SLC38A9: variants seen among roughly 807,000 people sequenced by gnomAD.
SLC38A9 encodes solute carrier family 38 member 9, also known as neutral amino acid transporter 9.
SLC38A9 carries 48 observed loss-of-function variants against 62.3 expected under a neutral mutation model. That is an observed-to-expected ratio of 0.77 (90% CI 0.61 to 0.98). The LOEUF (loss-of-function observed/expected upper bound fraction) is 0.98, where lower values mean the gene tolerates loss of function less well. Ranked by LOEUF, SLC38A9 falls within the 50% of genes least tolerant of loss-of-function variation. The probability of loss-of-function intolerance (pLI) is 0.00; values close to 1 mark genes in which losing one functional copy is unlikely to be tolerated. For synonymous variants in SLC38A9, 204 were observed against 227.7 expected, an observed-to-expected ratio of 0.90 and a Z score of 0.94; for missense variants, 541 against 679.8, an observed-to-expected ratio of 0.80 and a Z score of 2.27.
chr5:55,649,112 C>T, intron 11 of SLC38A9, 95 bp downstream of exon 11: 1 of 564,934 alleles, frequency 1.8e-6, no homozygotes, highest in Non-Finnish European at 2.8e-6. Context: ...TAAAAATGCT[C>T]AGCATAAAAA....
intron 3 of SLC38A9, among the ~76,000 whole-genome samples, chr5:55,689,847 C>T (rs1414206431): frequency 6.6e-6 from 1 of 152,036 alleles, no homozygotes; most frequent in Admixed American, 6.5e-5. Context: ...ATCAGGAACA[C>T]CCCAAAATAA....
At chr5:55,694,534 A>G (rs1482328973) in intron 3 of SLC38A9, among the ~76,000 whole-genome samples, 1 of 152,164 alleles carries the variant, frequency 6.6e-6, no homozygotes, top group African/African-American at 2.4e-5. Flanking sequence ...TGATGACTCT[A>G]CATCAAAAAA....
rs914884435 is a variant in SLC38A9 at position 55,701,280 on chromosome 5, T to C, written c.-34-3288A>G. ...TGCTTATTCAACTGCCTACTCAACA[T>C]CTTTAGCTAGATGTAATAGACAGCT... is the stretch of plus-strand genomic sequence containing the variant. On this transcript the variant is annotated intron_variant, in intron 2 of 15. Transcript: ENST00000396865. Among the ~76,000 whole-genome samples, 5 of 152,220 alleles carry C rather than the reference T, an allele frequency of 3.3e-5. No homozygotes were observed. The South Asian group carries it at 8.3e-4, about 25-fold the overall frequency.
chr5:55,654,788 T>G (rs1380676913), intron 9 of SLC38A9, among the ~76,000 whole-genome samples: 1 of 152,186 alleles, frequency 6.6e-6, no homozygotes, highest in East Asian at 1.9e-4. Flanking sequence ...ATAAAACATT[T>G]AATGCAATGC....
intron 3 of SLC38A9, among the ~76,000 whole-genome samples, chr5:55,676,334 C>A (rs1047669628): frequency 7.9e-5 from 12 of 152,190 alleles, no homozygotes; most frequent in African/African-American, 2.9e-4. Flanking sequence ...CACCACCATG[C>A]CCGTCTAATT....
At chr5:55,653,407 G>A (rs1747880458) in intron 9 of SLC38A9, among the ~76,000 whole-genome samples, 1 of 152,002 alleles carries the variant, frequency 6.6e-6, no homozygotes, top group African/African-American at 2.4e-5. Context: ...TATCATTTAG[G>A]GTGACTGTTT....
intron 8 of SLC38A9, among the ~76,000 whole-genome samples, chr5:55,657,377 A>C (rs1318541449): frequency 1.3e-5 from 2 of 152,270 alleles, no homozygotes; most frequent in Admixed American, 1.3e-4. Flanking sequence ...TATGTATGTA[A>C]GTTTTCTCTT....
At chr5:55,703,587 T>A (rs1476198036) in intron 2 of SLC38A9, among the ~76,000 whole-genome samples, 2 of 152,208 alleles carry the variant, frequency 1.3e-5, no homozygotes, top group African/African-American at 4.8e-5. Context: ...GTTAATTTCA[T>A]TAAAATAGTT....
rs572742922 is a variant in SLC38A9 at position 55,660,504 on chromosome 5, G to A, written c.698-3730C>T. 2.0e-5 allele frequency among the ~76,000 whole-genome samples: 3 copies of A among 152,312 alleles called. No individual in the cohort carries two copies. The East Asian group carries it at 5.8e-4, about 29-fold the overall frequency. ...TCAAAAATTTATCATTACTTTCTGGGAAGATGGAAATGTTCTATTTCTTGA... is the reference window on the plus strand; with the variant it reads ...TCAAAAATTTATCATTACTTTCTGGAAAGATGGAAATGTTCTATTTCTTGA... On this transcript the variant is annotated intron_variant, in intron 8 of 15. Transcript: ENST00000396865.
chr5:55,640,631 C>T (rs1057267794), intron 12 of SLC38A9, among the ~76,000 whole-genome samples: 1 of 151,974 alleles, frequency 6.6e-6, no homozygotes, highest in Admixed American at 6.6e-5. Context: ...AGAATTTTGG[C>T]GAGTGAAAAG....
At chr5:55,636,676 A>C (rs1404305257) in intron 12 of SLC38A9, among the ~76,000 whole-genome samples, 1 of 152,226 alleles carries the variant, frequency 6.6e-6, no homozygotes, top group Non-Finnish European at 1.5e-5. Context: ...AACGTAGTAG[A>C]GTTTTATAAA....
intron 14 of SLC38A9, among the ~76,000 whole-genome samples, chr5:55,633,172 G>C (rs1424166739): frequency 1.3e-5 from 2 of 151,928 alleles, no homozygotes; most frequent in Non-Finnish European, 2.9e-5. Context: ...ATGCTCGGCT[G>C]ATTTTTTAAA....
intron 4 of SLC38A9, among the ~76,000 whole-genome samples, chr5:55,670,187 G>C (rs1212961468): frequency 1.1e-5 from 1 of 94,476 alleles, no homozygotes; most frequent in African/African-American, 3.2e-5. Flanking sequence ...GGATGGTCTC[G>C]ATCTCCTGAC....
intron 3 of SLC38A9, among the ~76,000 whole-genome samples, chr5:55,687,821 C>A (rs968343067): frequency 9.9e-5 from 15 of 152,120 alleles, no homozygotes; most frequent in Non-Finnish European, 4.4e-5. Flanking sequence ...GCCTCAGCCT[C>A]CCGAGTGCTG....
At chr5:55,656,641 C>T in intron 9 of SLC38A9, 74 bp downstream of exon 9, 1 of 970,536 alleles carries the variant, frequency 1.0e-6, no homozygotes, top group Non-Finnish European at 1.7e-6. Context: ...AAAATAAGGT[C>T]ACATGTTCTA....
intron 8 of SLC38A9, 140 bp from the exon 9 acceptor site, chr5:55,656,914 G>GC (rs1207238697): frequency 3.7e-5 from 14 of 381,096 alleles, no homozygotes; most frequent in Middle Eastern, 1.5e-3. Context: ...AGGCTAGAGT[G>GC]CAGTGGCACG....
chr5:55,672,417 T>C, intron 4 of SLC38A9, 146 bp downstream of exon 4: 1 of 799,214 alleles, frequency 1.3e-6, no homozygotes, highest in Admixed American at 2.8e-5. Context: ...GTAGGATGTG[T>C]GTTAATTACT....
At chr5:55,660,796 C>A (rs1254256474) in intron 8 of SLC38A9, among the ~76,000 whole-genome samples, 2 of 151,884 alleles carry the variant, frequency 1.3e-5, no homozygotes, top group Non-Finnish European at 2.9e-5. Flanking sequence ...ATTAAAATTT[C>A]ATGGGGGGGG....
chr5:55,630,312 G>T (rs1337345933), intron 14 of SLC38A9, among the ~76,000 whole-genome samples: 2 of 151,866 alleles, frequency 1.3e-5, no homozygotes, highest in Admixed American at 6.6e-5. Context: ...GGGTTTTTTT[G>T]TTTGTTTGTT....
Sources: gnomAD v4.1 joint callset for allele counts (sites outside exome capture counted in the v4.1 genomes callset) on GRCh38, gnomAD v4.1.1 for gene constraint, MANE v1.5 for transcripts, NCBI Gene and HGNC (gene_info 2026-07-23, HGNC 2026-07-21) for gene names.